Variants in TANC2 observed in about 807,000 individuals in gnomAD.
TANC2 encodes the protein protein TANC2.
A neutral mutation model predicts 210.5 loss-of-function variants in TANC2; 26 were observed. That is an observed-to-expected ratio of 0.12 (90% CI 0.09 to 0.17). The LOEUF is 0.17. TANC2 is among the 10% of genes least tolerant of loss of function. TANC2 has a pLI of 1.00. For missense variants in TANC2, 2,129 were observed against 2,608.9 expected (o/e 0.82, Z 4.01); for synonymous variants, 931 against 967.1 (o/e 0.96, Z 0.69).
At chr17:63,346,967 G>A (rs1015329416) in intron 12 of TANC2, among the ~76,000 whole-genome samples, 3 of 151,940 alleles carry the variant, frequency 2.0e-5, no homozygotes, top group Non-Finnish European at 1.5e-5. Flanking sequence ...CAGCCTCTCA[G>A]AGTGCTGGGA....
chr17:63,138,570 C>G (rs1051292820), intron 4 of TANC2, among the ~76,000 whole-genome samples: 2 of 152,132 alleles, frequency 1.3e-5, no homozygotes, highest in African/African-American at 4.8e-5. Context: ...CCTGTCCCTT[C>G]TTGTCAATCT....
At chr17:63,125,759 A>G (rs2038684727) in intron 4 of TANC2, among the ~76,000 whole-genome samples, 2 of 152,226 alleles carry the variant, frequency 1.3e-5, no homozygotes, top group Non-Finnish European at 2.9e-5. Flanking sequence ...ATATATTGTC[A>G]CATTGTTATG....
intron 14 of TANC2, among the ~76,000 whole-genome samples, chr17:63,362,753 G>T (rs1013267521): frequency 3.3e-5 from 5 of 152,198 alleles, no homozygotes; most frequent in Admixed American, 6.5e-5. Flanking sequence ...ACAGGGAGAG[G>T]CCAAGTAGAG....
At chr17:63,175,979 G>A (rs2040566221) in intron 5 of TANC2, among the ~76,000 whole-genome samples, 1 of 152,174 alleles carries the variant, frequency 6.6e-6, no homozygotes, top group South Asian at 2.1e-4. Flanking sequence ...CAGGAGAACT[G>A]CAAATTAAAA....
intron 4 of TANC2, among the ~76,000 whole-genome samples, chr17:63,129,945 A>G (rs1184581487): frequency 6.6e-6 from 1 of 151,774 alleles, no homozygotes; most frequent in South Asian, 2.1e-4. Context: ...ACTAAAGTAC[A>G]CTTATGGACA....
At chr17:63,366,529 C>G (rs887969106) in intron 14 of TANC2, among the ~76,000 whole-genome samples, 4 of 152,128 alleles carry the variant, frequency 2.6e-5, no homozygotes, top group Admixed American at 2.0e-4. Context: ...GCCCTGCCAG[C>G]TACCTAAAGA....
At chr17:63,189,103 A>G (rs1197144062) in intron 5 of TANC2, among the ~76,000 whole-genome samples, 1 of 152,092 alleles carries the variant, frequency 6.6e-6, no homozygotes, top group East Asian at 1.9e-4. Context: ...TATGGCATGT[A>G]TCAGTATTTC....
chr17:63,069,924 C>T (rs770804787), intron 2 of TANC2, among the ~76,000 whole-genome samples: 1 of 152,040 alleles, frequency 6.6e-6, no homozygotes, highest in Non-Finnish European at 1.5e-5. Flanking sequence ...TTTGACATGC[C>T]ATATTTTCAT....
Position 63,331,804 on chromosome 17 carries a change from A to G in TANC2, c.1576-8297A>G, listed in dbSNP as rs1176246344. On this transcript the variant is annotated intron_variant, in intron 11 of 27. Transcript: ENST00000689528. ...TGTACAGAACAGTGAAAACGCCAAG[A>G]ATGAAGCCTACAGTTTTACTGTAAG... Among the ~76,000 whole-genome samples, 5 of 152,044 alleles carry G rather than the reference A, an allele frequency of 3.3e-5. No homozygotes were observed. In the South Asian group the frequency reaches 6.2e-4, roughly 19 times the overall value.
At chr17:63,320,927 A>G (rs1329019223) in intron 11 of TANC2, among the ~76,000 whole-genome samples, 9 of 152,172 alleles carry the variant, frequency 5.9e-5, no homozygotes, top group Non-Finnish European at 1.3e-4. Flanking sequence ...GGCTGGGCGC[A>G]GTGGCTCATG....
At chr17:63,314,026 G>A (rs183539448) in intron 9 of TANC2, among the ~76,000 whole-genome samples, 38 of 152,322 alleles carry the variant, frequency 2.5e-4, no homozygotes, top group South Asian at 1.0e-3. Flanking sequence ...TTATCCCGTG[G>A]CGTAGCAGGA....
chr17:63,062,174 G>T (rs2036019840), intron 2 of TANC2, among the ~76,000 whole-genome samples: 2 of 152,000 alleles, frequency 1.3e-5, no homozygotes, highest in South Asian at 4.1e-4. Context: ...ATTTGACCCT[G>T]ATGCTTTCTT....
At chr17:63,291,699 C>G (rs1037195261) in intron 9 of TANC2, among the ~76,000 whole-genome samples, 1 of 152,054 alleles carries the variant, frequency 6.6e-6, no homozygotes, top group Non-Finnish European at 1.5e-5. Context: ...TGAGAACTTC[C>G]TAGGTTCTGA....
chr17:63,268,962 T>G (rs1423006604), intron 9 of TANC2, among the ~76,000 whole-genome samples: 1 of 152,192 alleles, frequency 6.6e-6, no homozygotes, highest in Admixed American at 6.5e-5. Flanking sequence ...AAGTGTGTTT[T>G]TAATTTTATC....
At chr17:63,098,815 CGA>C in intron 3 of TANC2, among the ~76,000 whole-genome samples, 1 of 151,740 alleles carries the variant, frequency 6.6e-6, no homozygotes, top group Non-Finnish European at 1.5e-5. Context: ...CAATTGCACA[CGA>C]TGGCTTGCTA....
intron 2 of TANC2, among the ~76,000 whole-genome samples, chr17:63,064,399 C>A (rs2144568660): frequency 6.6e-6 from 1 of 152,246 alleles, no homozygotes; most frequent in East Asian, 1.9e-4. Context: ...CTCAAAGCTG[C>A]AATGAGCCAT....
At chr17:63,076,482 T>C (rs2036575953) in intron 3 of TANC2, among the ~76,000 whole-genome samples, 1 of 152,148 alleles carries the variant, frequency 6.6e-6, no homozygotes, top group African/African-American at 2.4e-5. Context: ...TCATCAGAGA[T>C]TCCTGAAATA....
chr17:63,201,275 C>G (rs2041524631), intron 7 of TANC2, among the ~76,000 whole-genome samples: 1 of 152,084 alleles, frequency 6.6e-6, no homozygotes, highest in Non-Finnish European at 1.5e-5. Flanking sequence ...AGAAAAAGTT[C>G]ATTCCTTACT....
At chr17:63,406,455 C>T (rs564417796) in intron 21 of TANC2, among the ~76,000 whole-genome samples, 178 bp downstream of exon 21, 9 of 152,176 alleles carry the variant, frequency 5.9e-5, no homozygotes, top group Non-Finnish European at 1.3e-4. Context: ...CTCTGATACT[C>T]TCTATTTCCT....
Sources: gnomAD v4.1 joint callset for allele counts (sites outside exome capture counted in the v4.1 genomes callset) on GRCh38, gnomAD v4.1.1 for gene constraint, MANE v1.5 for transcripts, NCBI Gene and HGNC (gene_info 2026-07-23, HGNC 2026-07-21) for gene names.